Variants in MYOM1 observed in about 807,000 individuals in gnomAD.
MYOM1 encodes the protein myomesin 1.
MYOM1 carries 164 observed loss-of-function variants against 205.3 expected under a neutral mutation model. That is an observed-to-expected ratio of 0.80 (90% CI 0.70 to 0.91). The LOEUF (loss-of-function observed/expected upper bound fraction) is 0.91. Ranked by LOEUF, MYOM1 falls within the 40% of genes least tolerant of loss-of-function variation. MYOM1 has a pLI of 0.00. For missense variants in MYOM1, 2,011 were observed against 2,127.3 expected, an observed-to-expected ratio of 0.95 and a Z score of 1.08; for synonymous variants, 772 against 789.4, an observed-to-expected ratio of 0.98 and a Z score of 0.37.
At chr18:3,227,056 G>A in the MYOM1 span, among the ~76,000 whole-genome samples, 4 of 152,178 alleles carry the variant, frequency 2.6e-5, no homozygotes, top group Non-Finnish European at 5.9e-5. Context: ...GTGAGTATTA[G>A]AAAGCAAGAC....
chr18:3,138,415 CT>C (rs1452392447), intron 14 of MYOM1, among the ~76,000 whole-genome samples: 1 of 152,164 alleles, frequency 6.6e-6, no homozygotes, highest in African/African-American at 2.4e-5. Context: ...GGGATGGGAT[CT>C]GGTCCCTTTG....
chr18:3,115,057 G>C (rs969117567), intron 21 of MYOM1, among the ~76,000 whole-genome samples: 1 of 151,402 alleles, frequency 6.6e-6, no homozygotes, highest in South Asian at 2.1e-4. Context: ...CTGAAGACTT[G>C]GAAATCTTCA....
At position 3,079,261 on chromosome 18, in the gene MYOM1, G is replaced by C. The variant is rs1377031576; in HGVS notation, c.4566C>G (p.Thr1522=). The C allele has an allele frequency of 5.0e-6, 8 of 1,613,850 alleles. No homozygotes were observed. The highest frequency in any genetic ancestry group is 5.9e-6 in the Non-Finnish European group (7 of 1,179,856). ...TGACATACTTCCCTTTGTCATTCGG[G>C]GTGGGCTCGTTGATTTGTAGCCAGA... ...EQIWLQINEP[T]PNDKGKYVME... The change falls in exon 34 of 38, where the codon ACC becomes ACG. Residue 1522 remains threonine, a synonymous_variant. Transcript: ENST00000356443.
chr18:3,083,845 T>C lies in MYOM1; in HGVS notation c.4428A>G (p.Gln1476=), dbSNP rs929663462. The C allele has an allele frequency of 1.9e-6, 3 of 1,584,266 alleles. No individual in the cohort carries two copies. The East Asian group carries it at 6.8e-5, about 36-fold the overall frequency. The change falls in exon 33 of 38, where the codon CAA becomes CAG. Residue 1476 remains glutamine, a synonymous_variant. Coordinates refer to ENST00000356443, the MANE Select transcript of MYOM1 (RefSeq NM_003803.4). Reference sequence around the variant, plus strand: ...CATAGTAAGTTACAAAAGAGTACAGTTGGATGCCCTCGGCTGTGCTCTGGA... The same window carrying C: ...CATAGTAAGTTACAAAAGAGTACAGCTGGATGCCCTCGGCTGTGCTCTGGA... ...LKIQSTAEGI[Q]LYSFVTYYVE... is the part of the protein sequence containing the mutation.
In MYOM1 at chr18:3,155,017, A is replaced by G; in HGVS notation, c.1573T>C (p.Tyr525His). 1 of 1,613,476 alleles carries G rather than the reference A, an allele frequency of 6.2e-7. No homozygotes were observed. Among genetic ancestry groups the G allele is most frequent in the Non-Finnish European group, 8.5e-7 (1 of 1,179,674 alleles). Residue 525 changes from tyrosine to histidine, a missense_variant, in exon 11 of 38, where the codon TAT (tyrosine) becomes CAT (histidine). Tyr to His is a moderately conservative substitution (Grantham distance 83, BLOSUM62 2). Transcript: ENST00000356443. ...GGCTGTTTCCAGGAGATGATGATAT[A>G]ATCTTTGTTGGCCTCCAAGCACTTC... ...DVKCLEANKD[Y>H]IIISWKQPAV... is the part of the protein sequence containing the mutation.
At chr18:3,143,527 C>T (rs1050726134) in intron 13 of MYOM1, among the ~76,000 whole-genome samples, 4 of 152,034 alleles carry the variant, frequency 2.6e-5, no homozygotes, top group East Asian at 1.9e-4. Flanking sequence ...ATAATAATAT[C>T]GTATTGTGTA....
chr18:3,118,678 G>A lies in MYOM1; in HGVS notation c.3118+1191C>T, dbSNP rs535339232. 1.2e-4 allele frequency among the ~76,000 whole-genome samples: 18 copies of A among 152,140 alleles called. No individual in the cohort carries two copies. The South Asian group carries it at 2.1e-3, about 18-fold the overall frequency. ...AAAAAAAATTTCTACAGGCCTGCTC[G>A]GAATTTCTTAGTCTCTAGTCGATTG... On this transcript the variant is annotated intron_variant, in intron 20 of 37. Transcript: ENST00000356443.
intron 14 of MYOM1, 140 bp downstream of exon 14, chr18:3,141,799 C>T: frequency 9.2e-7 from 1 of 1,083,810 alleles, no homozygotes; most frequent in South Asian, 1.5e-5. Context: ...GGAGACAGTT[C>T]ACAGTTGATA....
rs1446314896 is a variant in MYOM1 at position 3,071,871 on chromosome 18, C to A, written c.4727G>T (p.Gly1576Val). The A allele has an allele frequency of 6.2e-7, 1 of 1,605,532 alleles. No individual in the cohort carries two copies. The highest frequency in any genetic ancestry group is 8.5e-7 in the Non-Finnish European group (1 of 1,176,088). ...IAEKNRARVL[G>V]GLPDVVTIQE... ...GATGGTGACCACGTCTGGGAGACCT[C>A]CCAACACCCGGGCACGATCTGCAAG... is the stretch of plus-strand genomic sequence containing the variant. Residue 1576 changes from glycine to valine, a missense_variant, in exon 37 of 38, where the codon GGA becomes GTA. Gly to Val is a moderately radical substitution (Grantham distance 109). Transcript: ENST00000356443.
intron 3 of MYOM1, 135 bp downstream of exon 3, chr18:3,193,683 C>CT: frequency 1.1e-6 from 1 of 923,954 alleles, no homozygotes; most frequent in Middle Eastern, 2.3e-4. Context: ...TTACTATAAT[C>CT]TAACAAGTGC....
At chr18:3,192,865 G>A (rs972428302) in intron 3 of MYOM1, among the ~76,000 whole-genome samples, 1 of 150,430 alleles carries the variant, frequency 6.6e-6, no homozygotes. Flanking sequence ...ATTGAACAAG[G>A]CATTCAAATT....
intron 8 of MYOM1, among the ~76,000 whole-genome samples, chr18:3,173,553 G>A (rs1386921826): frequency 1.3e-5 from 2 of 150,504 alleles, no homozygotes; most frequent in African/African-American, 2.5e-5. Flanking sequence ...GAGAAAGAGC[G>A]CTTTGATATA....
chr18:3,173,405 A>T (rs899555564), intron 8 of MYOM1, among the ~76,000 whole-genome samples: 3 of 152,190 alleles, frequency 2.0e-5, no homozygotes, highest in African/African-American at 7.2e-5. Context: ...GTAACAGTGT[A>T]CAGCCTCACT....
In MYOM1 at chr18:3,100,001, C is replaced by G. The variant is rs1036922385; in HGVS notation, c.3727+158G>C. On this transcript the variant is annotated intron_variant, in intron 25 of 37. Coordinates refer to ENST00000356443, the MANE Select transcript of MYOM1 (RefSeq NM_003803.4). ...AGAACAACCGCAAAGGAAAAGGCAT[C>G]ACTTCTAGAAAGCACATCTGTAGCT... Among the ~76,000 whole-genome samples the G allele has an allele frequency of 3.5e-4, 53 of 152,160 alleles. 1 individual carries two copies. Among genetic ancestry groups the G allele is most frequent in the African/African-American group, 1.2e-3 (49 of 41,432 alleles).
At chr18:3,183,501 G>C (rs555940577) in intron 5 of MYOM1, among the ~76,000 whole-genome samples, 1 of 152,182 alleles carries the variant, frequency 6.6e-6, no homozygotes, top group African/African-American at 2.4e-5. Flanking sequence ...AGTGGAAACT[G>C]GTTGGTTGGT....
chr18:3,220,974 C>T (rs187314503), upstream of MYOM1, among the ~76,000 whole-genome samples: 30 of 152,312 alleles, frequency 2.0e-4, no homozygotes, highest in African/African-American at 7.0e-4. Flanking sequence ...GCCTTATGTT[C>T]TGACAGTGAT....
At chr18:3,084,991 G>C in intron 31 of MYOM1, 54 bp downstream of exon 31, 1 of 1,320,624 alleles carries the variant, frequency 7.6e-7, no homozygotes, top group Non-Finnish European at 1.1e-6. Flanking sequence ...TCATCATTCT[G>C]GTAAGCTGTA....
intron 22 of MYOM1, among the ~76,000 whole-genome samples, chr18:3,105,344 T>C (rs911907405): frequency 1.3e-5 from 2 of 152,124 alleles, no homozygotes; most frequent in African/African-American, 2.4e-5. Context: ...GTAAATAAGA[T>C]TCAGTATACT....
chr18:3,247,119 C>T, the MYOM1 span: 1 of 152,298 alleles, frequency 6.6e-6, no homozygotes, highest in Admixed American at 6.5e-5. Flanking sequence ...CAGGGAAAAA[C>T]GACGGCAAAT....
Sources: gnomAD v4.1 joint callset for allele counts (sites outside exome capture counted in the v4.1 genomes callset) on GRCh38, gnomAD v4.1.1 for gene constraint, MANE v1.5 for transcripts, NCBI Gene and HGNC (gene_info 2026-07-23, HGNC 2026-07-21) for gene names.